Variants in PDLIM5 observed in about 807,000 individuals in gnomAD.
PDLIM5 encodes the protein PDZ and LIM domain protein 5.
PDLIM5 carries 34 observed loss-of-function variants against 64.2 expected under a neutral mutation model. The observed-to-expected ratio is 0.53, with a 90% CI of 0.40 to 0.71. The LOEUF is 0.71. PDLIM5 is among the 30% of genes least tolerant of loss of function. PDLIM5 has a pLI of 0.00. For synonymous variants in PDLIM5, 253 were observed against 269.1 expected (o/e 0.94, Z 0.59); for missense variants, 683 against 733.6 (o/e 0.93, Z 0.80).
chr4:94,521,541 C>T (rs9996560), intron 2 of PDLIM5, among the ~76,000 whole-genome samples: 25,096 of 151,042 alleles, frequency 0.17, 4,353 homozygotes, highest in African/African-American at 0.44. Context: ...ACAGAATAAA[C>T]GTGGTCCTAG....
chr4:94,496,061 A>G (rs1189344815), intron 2 of PDLIM5, among the ~76,000 whole-genome samples: 2 of 151,934 alleles, frequency 1.3e-5, no homozygotes, highest in Non-Finnish European at 2.9e-5. Flanking sequence ...TTCTAGCAAA[A>G]AAAAAAACCA....
intron 5 of PDLIM5, chr4:94,583,000 G>A (rs535876740): frequency 3.6e-6 from 1 of 281,588 alleles, no homozygotes; most frequent in African/African-American, 2.2e-5. Flanking sequence ...GTGTATACCA[G>A]AGTTAGAACT....
chr4:94,666,795 T>G lies in PDLIM5; in HGVS notation c.*2728T>G, dbSNP rs929311136. 1 of 152,226 alleles carries G rather than the reference T, an allele frequency of 6.6e-6. No individual in the cohort carries two copies. Among genetic ancestry groups the G allele is most frequent in the Non-Finnish European group, 1.5e-5 (1 of 68,026 alleles). 9.4% of individuals were successfully genotyped at this position (152,226 alleles called of 1,614,324 possible). On this transcript the variant is annotated 3_prime_UTR_variant, in exon 13 of 13. Coordinates refer to ENST00000317968, the MANE Select transcript of PDLIM5 (RefSeq NM_006457.5). ...CCAAATTTTATGCCTGAAAGGGTAG[T>G]GTTGCTTCCTAAGGTATCATGTTGT...
intron 2 of PDLIM5, among the ~76,000 whole-genome samples, chr4:94,513,601 A>G (rs951240654): frequency 6.6e-6 from 1 of 152,182 alleles, no homozygotes; most frequent in Non-Finnish European, 1.5e-5. Flanking sequence ...TATTAGTTCT[A>G]AATGGTTTGT....
intron 3 of PDLIM5, among the ~76,000 whole-genome samples, chr4:94,553,677 C>T (rs1733012728): frequency 6.6e-6 from 1 of 152,170 alleles, no homozygotes; most frequent in South Asian, 2.1e-4. Context: ...GCCCCACTCA[C>T]TGTGTGGATT....
intron 7 of PDLIM5, chr4:94,587,082 A>C: frequency 6.2e-7 from 1 of 1,605,686 alleles, no homozygotes; most frequent in South Asian, 1.1e-5. Context: ...ACGTACAGTG[A>C]TTTATGAGCC....
chr4:94,563,217 A>T (rs932446860), intron 3 of PDLIM5, among the ~76,000 whole-genome samples: 6 of 152,164 alleles, frequency 3.9e-5, no homozygotes, highest in Non-Finnish European at 8.8e-5. Flanking sequence ...GAATGCCTTG[A>T]CTTAATTTAA....
Position 94,556,886 on chromosome 4 carries a change from C to T in PDLIM5, c.249-16465C>T, listed in dbSNP as rs570048153. On this transcript the variant is annotated intron_variant, in intron 3 of 12. Transcript: ENST00000317968. ...TTCACTCTGATGGTAGTTTCTTTTG[C>T]TGTGCAGGAGCTCTTTAGTTTAATT... is the stretch of plus-strand genomic sequence containing the variant. Among the ~76,000 whole-genome samples the T allele has an allele frequency of 2.0e-5, 3 of 152,258 alleles. No homozygotes were observed. In the South Asian group the frequency reaches 6.2e-4, roughly 32 times the overall value.
intron 2 of PDLIM5, among the ~76,000 whole-genome samples, chr4:94,478,255 CAA>C (rs1156675410): frequency 0.22 from 16,619 of 74,174 alleles, 1,553 homozygotes; most frequent in African/African-American, 0.38. Flanking sequence ...GACTCCGTCT[CAA>C]AAAAAAAAAA....
intron 2 of PDLIM5, among the ~76,000 whole-genome samples, chr4:94,472,790 G>T (rs1286303585): frequency 6.6e-6 from 1 of 152,098 alleles, no homozygotes; most frequent in Admixed American, 6.6e-5. Flanking sequence ...TAGCAAATCT[G>T]AACTTCAGTC....
intron 9 of PDLIM5, among the ~76,000 whole-genome samples, chr4:94,648,487 T>C (rs1741588136): frequency 6.6e-6 from 1 of 152,130 alleles, no homozygotes; most frequent in Non-Finnish European, 1.5e-5. Context: ...GCTCGGCTAA[T>C]TTTTGTATTT....
Position 94,580,739 on chromosome 4 carries a change from A to G in PDLIM5, c.710+4705A>G, listed in dbSNP as rs146110854. ...AGAGATTACATACCTTTCTCAAGTCACACATCTTATAATTAATAGAGCTAA... is the reference window on the plus strand; with the variant it reads ...AGAGATTACATACCTTTCTCAAGTCGCACATCTTATAATTAATAGAGCTAA... On this transcript the variant is annotated intron_variant, in intron 5 of 12. Coordinates refer to ENST00000317968, the MANE Select transcript of PDLIM5 (RefSeq NM_006457.5). Among the ~76,000 whole-genome samples the G allele has an allele frequency of 3.3e-3, 504 of 152,210 alleles. 3 individuals are homozygous for G. The highest frequency in any genetic ancestry group is 0.011 in the African/African-American group (464 of 41,548).
In PDLIM5 at chr4:94,491,578, A is replaced by G. The variant is rs376513408; in HGVS notation, c.97-32146A>G. On this transcript the variant is annotated intron_variant, in intron 2 of 12. Coordinates refer to ENST00000317968, the MANE Select transcript of PDLIM5 (RefSeq NM_006457.5). ...GAAAAGTAAGTTTCACAGCCTTTAC[A>G]ACTGAGAAGCATCAGCTGTGTTGAT... Among the ~76,000 whole-genome samples the G allele has an allele frequency of 3.9e-5, 6 of 152,162 alleles. 1 individual carries two copies. The highest frequency in any genetic ancestry group is 1.4e-4 in the African/African-American group (6 of 41,556).
chr4:94,650,166 G>A (rs749872628), intron 9 of PDLIM5, among the ~76,000 whole-genome samples: 46 of 152,122 alleles, frequency 3.0e-4, no homozygotes, highest in Non-Finnish European at 4.6e-4. Context: ...ATTCTAAGAC[G>A]ATAGTCACTG....
chr4:94,593,068 A>T (rs1042148527), intron 7 of PDLIM5, among the ~76,000 whole-genome samples: 5 of 152,110 alleles, frequency 3.3e-5, no homozygotes, highest in Non-Finnish European at 4.4e-5. Flanking sequence ...AATTTGTCTT[A>T]TGGATATTGG....
chr4:94,539,151 A>T (rs907100806), intron 3 of PDLIM5, among the ~76,000 whole-genome samples: 14 of 152,204 alleles, frequency 9.2e-5, no homozygotes, highest in African/African-American at 2.9e-4. Flanking sequence ...GGGATCAAGC[A>T]TAGATTAGGA....
chr4:94,610,295 CA>C (rs1339514483), intron 7 of PDLIM5: 2 of 1,514,326 alleles, frequency 1.3e-6, no homozygotes, highest in Non-Finnish European at 1.8e-6. Flanking sequence ...GTTATTGCTA[CA>C]AAAACCAGGT....
chr4:94,574,632 C>T (rs1487963161), intron 4 of PDLIM5, among the ~76,000 whole-genome samples: 1 of 151,732 alleles, frequency 6.6e-6, no homozygotes, highest in Non-Finnish European at 1.5e-5. Context: ...GGGATTTATT[C>T]TTGATCTGAA....
intron 11 of PDLIM5, 70 bp from the exon 12 acceptor site, chr4:94,662,352 C>T (rs532864556): frequency 2.8e-6 from 2 of 706,424 alleles, no homozygotes; most frequent in Middle Eastern, 2.5e-4. Flanking sequence ...TTTGTTGCTG[C>T]CTTCTAGGAA....
Sources: allele counts gnomAD v4.1 joint callset (sites outside exome capture counted in the v4.1 genomes callset), GRCh38; gene constraint gnomAD v4.1.1; transcripts MANE v1.5; gene names NCBI Gene and HGNC (gene_info 2026-07-23, HGNC 2026-07-21).